The following PCSK5 variants were observed in gnomAD, a reference collection of about 807,000 sequenced individuals.
The protein encoded by PCSK5 is proprotein convertase subtilisin/kexin type 5.
A neutral mutation model predicts 233.2 loss-of-function variants in PCSK5; 129 were observed. That is an observed-to-expected ratio of 0.55 (90% confidence interval 0.48 to 0.64). The LOEUF (loss-of-function observed/expected upper bound fraction) is 0.64, where lower values mean the gene tolerates loss of function less well. Ranked by LOEUF, PCSK5 falls within the 30% of genes least tolerant of loss-of-function variation. PCSK5 has a pLI of 0.00. For missense variants in PCSK5, 2,076 were observed against 2,430.1 expected (o/e 0.85, Z 3.06); for synonymous variants, 825 against 879.2 (o/e 0.94, Z 1.09).
chr9:76,214,031 A>G (rs1389760459), intron 20 of PCSK5, among the ~76,000 whole-genome samples: 1 of 152,200 alleles, frequency 6.6e-6, no homozygotes, highest in Non-Finnish European at 1.5e-5. Context: ...ACCCCAGAAT[A>G]AGCAAGAGAT....
rs191666557 is a variant in PCSK5 at position 75,998,515 on chromosome 9, A to G, written c.411+12270A>G. Among the ~76,000 whole-genome samples the G allele has an allele frequency of 1.9e-3, 287 of 152,332 alleles. 5 individuals carry two copies. Among genetic ancestry groups the G allele is most frequent in the Non-Finnish European group, 4.0e-4 (27 of 68,028 alleles). On this transcript the variant is annotated intron_variant, in intron 3 of 37. Transcript: ENST00000674117. ...TCAATACCGCTCTAGTAAGTTTTCA[A>G]AAACTAGAAATATACTCTACTCAGA...
At chr9:76,104,712 A>G (rs893000611) in intron 8 of PCSK5, among the ~76,000 whole-genome samples, 2 of 152,248 alleles carry the variant, frequency 1.3e-5, no homozygotes, top group Non-Finnish European at 2.9e-5. Context: ...GTTTCTGTGC[A>G]TTGAAAATGT....
rs1181343986 is a variant in PCSK5, at chr9:75,934,401, C to G, written c.297+1918C>G. ...CTTGTAGTTCATTTATTCTTTGGCC[C>G]TTTTTCGAGCCCCTAGCATATGCCA... is the stretch of plus-strand genomic sequence containing the variant. On this transcript the variant is annotated intron_variant, in intron 2 of 37. Transcript: ENST00000674117. 2.0e-5 allele frequency among the ~76,000 whole-genome samples: 3 copies of G among 152,126 alleles called. No individual in the cohort carries two copies. In the South Asian group the frequency reaches 6.2e-4, roughly 32 times the overall value.
At chr9:76,218,584 A>T (rs189877101) in intron 20 of PCSK5, among the ~76,000 whole-genome samples, 3 of 149,596 alleles carry the variant, frequency 2.0e-5, no homozygotes, top group Non-Finnish European at 4.5e-5. Flanking sequence ...TTAAAGAAAC[A>T]GAATCATAAC....
chr9:76,207,397 A>G (rs1415061665), intron 20 of PCSK5, among the ~76,000 whole-genome samples: 2 of 152,210 alleles, frequency 1.3e-5, no homozygotes, highest in Non-Finnish European at 2.9e-5. Context: ...ACCATGTGGT[A>G]CACACTAACT....
At chr9:76,182,441 A>C (rs1823913915) in intron 16 of PCSK5, among the ~76,000 whole-genome samples, 2 of 152,222 alleles carry the variant, frequency 1.3e-5, no homozygotes, top group African/African-American at 4.8e-5. Flanking sequence ...AGGAAAGGCA[A>C]AATGGAAATC....
At chr9:76,159,259 C>T in intron 12 of PCSK5, 88 bp downstream of exon 12, 1 of 1,226,698 alleles carries the variant, frequency 8.2e-7, no homozygotes, top group Non-Finnish European at 1.1e-6. Context: ...GCTGCTTTCA[C>T]CTAACCTGGG....
At chr9:76,214,947 C>T (rs755132659) in intron 20 of PCSK5, among the ~76,000 whole-genome samples, 2 of 152,232 alleles carry the variant, frequency 1.3e-5, no homozygotes, top group Non-Finnish European at 2.9e-5. Flanking sequence ...TTCTCCTCTC[C>T]CTACTTCTTT....
At chr9:76,051,123 G>C (rs1279411979) in intron 5 of PCSK5, among the ~76,000 whole-genome samples, 1 of 152,150 alleles carries the variant, frequency 6.6e-6, no homozygotes, top group African/African-American at 2.4e-5. Context: ...CTGTAGTCCT[G>C]GTCACAGATC....
intron 2 of PCSK5, among the ~76,000 whole-genome samples, chr9:75,960,428 A>G (rs1425722723): frequency 6.6e-6 from 1 of 152,166 alleles, no homozygotes; most frequent in Non-Finnish European, 1.5e-5. Context: ...GAAAGGAAAT[A>G]GGGGCTGGGG....
intron 21 of PCSK5, among the ~76,000 whole-genome samples, chr9:76,229,298 G>A (rs145163528): frequency 6.6e-6 from 1 of 152,226 alleles, no homozygotes; most frequent in South Asian, 2.1e-4. Flanking sequence ...TTGAACTAGG[G>A]GAATATTTTA....
At chr9:76,019,313 T>A (rs1828081724) in intron 3 of PCSK5, among the ~76,000 whole-genome samples, 1 of 152,178 alleles carries the variant, frequency 6.6e-6, no homozygotes, top group Admixed American at 6.5e-5. Flanking sequence ...ACAAAGAATT[T>A]TGAGTATATG....
chr9:76,153,815 T>C (rs552057345), intron 10 of PCSK5, among the ~76,000 whole-genome samples: 2 of 152,308 alleles, frequency 1.3e-5, no homozygotes, highest in South Asian at 2.1e-4. Context: ...CATTCATTCA[T>C]TTCACAAATA....
At chr9:76,250,101 T>A (rs964784926) in intron 24 of PCSK5, among the ~76,000 whole-genome samples, 1 of 152,114 alleles carries the variant, frequency 6.6e-6, no homozygotes, top group Admixed American at 6.5e-5. Flanking sequence ...GGTCAAGAGA[T>A]CGAGACCATC....
intron 2 of PCSK5, among the ~76,000 whole-genome samples, chr9:75,940,711 C>T (rs372582483): frequency 6.6e-6 from 1 of 152,088 alleles, no homozygotes; most frequent in East Asian, 1.9e-4. Context: ...AGAGGTTGTG[C>T]GCATCTACTC....
intron 20 of PCSK5, among the ~76,000 whole-genome samples, chr9:76,213,926 C>G (rs1825421442): frequency 6.6e-6 from 1 of 152,072 alleles, no homozygotes; most frequent in African/African-American, 2.4e-5. Context: ...CTTTCATGCC[C>G]AAGGCAATCT....
chr9:75,956,695 T>C (rs530630366), intron 2 of PCSK5, among the ~76,000 whole-genome samples: 1 of 152,136 alleles, frequency 6.6e-6, no homozygotes, highest in South Asian at 2.1e-4. Context: ...CACTACTGCC[T>C]GCACATTAAT....
At chr9:76,118,395 T>G (rs1832512980) in intron 9 of PCSK5, among the ~76,000 whole-genome samples, 1 of 152,188 alleles carries the variant, frequency 6.6e-6, no homozygotes, top group Non-Finnish European at 1.5e-5. Flanking sequence ...TATGAAATGA[T>G]GCTATCCTTA....
At chr9:76,328,963 C>T (rs1003695454) in intron 33 of PCSK5, among the ~76,000 whole-genome samples, 2 of 142,404 alleles carry the variant, frequency 1.4e-5, no homozygotes, top group African/African-American at 2.7e-5. Context: ...TGGGCACCAT[C>T]GCTCCCGGCT....
Sources: allele counts gnomAD v4.1 joint callset (sites outside exome capture counted in the v4.1 genomes callset), GRCh38; gene constraint gnomAD v4.1.1; transcripts MANE v1.5; gene names NCBI Gene and HGNC (gene_info 2026-07-23, HGNC 2026-07-21).